EHBP1L1: variants seen among roughly 807,000 people sequenced by gnomAD.
EHBP1L1 encodes the protein EH domain binding protein 1 like 1.
A neutral mutation model predicts 151.1 loss-of-function variants in EHBP1L1; 122 were observed. The observed-to-expected ratio is 0.81, with a 90% CI of 0.70 to 0.94. The LOEUF is 0.94. EHBP1L1 is among the 40% of genes least tolerant of loss of function. The pLI, the probability that EHBP1L1 is intolerant of heterozygous loss-of-function variation, is 0.00. For missense variants in EHBP1L1, 1,941 were observed against 1,959.8 expected (o/e 0.99, Z 0.18); for synonymous variants, 878 against 810.1 (o/e 1.08, Z -1.42).
Position 65,579,452 on chromosome 11 carries a change from TC to T in EHBP1L1, c.258+18del. 6.8e-7 allele frequency: 1 copy of T among 1,466,928 alleles called. No individual in the cohort carries two copies. The highest frequency in any genetic ancestry group is 1.4e-5 in the South Asian group (1 of 70,260). 90.9% of individuals were successfully genotyped at this position (1,466,928 alleles called of 1,614,324 possible). The stretch of plus-strand genomic sequence containing the variant: ...CCTCTACAGGGTGAGTCTCTAGCCC[TC>T]CAGCATGGATGGCAATTGCAACACA... On this transcript the variant is annotated intron_variant, in intron 3 of 18. Transcript: ENST00000309295.
In EHBP1L1 at chr11:65,581,990, C is replaced by T; in HGVS notation, c.1318C>T (p.Pro440Ser). The change falls in exon 9 of 19, where the codon CCA becomes TCA. Residue 440 changes from proline to serine, a missense_variant. By Grantham distance (74) the Pro-to-Ser change is moderately conservative. Transcript: ENST00000309295. ...GGTGAGACATGTGGACACTAAGGGA[C>T]CAGAGGCGACAGGGGTGATGCCTGA... ...SKVRHVDTKGPEATGVMPEAR... is the reference protein window; with the variant it reads ...SKVRHVDTKGSEATGVMPEAR... 6.2e-7 allele frequency: 1 copy of T among 1,613,768 alleles called. No homozygotes were observed.
chr11:65,588,383 T>G (rs1403410487), intron 12 of EHBP1L1, among the ~76,000 whole-genome samples: 1 of 151,784 alleles, frequency 6.6e-6, no homozygotes. Context: ...GGCTTTGGCA[T>G]GAGGCTGGGG....
intron 9 of EHBP1L1, 134 bp downstream of exon 9, chr11:65,583,899 C>T (rs937372757): frequency 9.9e-6 from 14 of 1,418,228 alleles, no homozygotes; most frequent in Non-Finnish European, 1.3e-5. Context: ...GAAGGAGCCC[C>T]CTCATCCCCT....
In EHBP1L1 at chr11:65,592,188, A is replaced by G. The variant is rs1315573269; in HGVS notation, c.4473-15A>G. 6.3e-7 allele frequency: 1 copy of G among 1,581,654 alleles called. No individual in the cohort carries two copies. ...CCCGCCCAACGGAGCGCTGACTCGA[A>G]CCCGTTCTCCCCAGCGCCCTGGAGG... On this transcript the variant is annotated splice_polypyrimidine_tract_variant and intron_variant, in intron 18 of 18. Transcript: ENST00000309295.
chr11:65,576,087 C>A lies in EHBP1L1; in HGVS notation c.-216C>A, dbSNP rs917532369. The A allele has an allele frequency of 1.5e-5, 5 of 330,982 alleles. No homozygotes were observed. The East Asian group carries it at 2.4e-4, about 16-fold the overall frequency. The allele number at this position is 330,982 out of a possible 1,614,324, so 20.5% of individuals were successfully genotyped here. On this transcript the variant is annotated 5_prime_UTR_variant, in exon 1 of 19. Transcript: ENST00000309295. ...CGCGCTCCCAGCTCCGCGCTCGCCA[C>A]CCGACGCGCCCCAGGCGACCCCGCA... is the stretch of plus-strand genomic sequence containing the variant.
chr11:65,581,358 C>T lies in EHBP1L1; in HGVS notation c.851C>T (p.Thr284Ile), dbSNP rs765678224. ...VGPEAPRPPE[T>I]SPEMRSSRQP... ...CCTGAGGCCCCAAGGCCCCCGGAAA[C>T]CTCACCAGAGATGAGGTGAGCTTTG... Residue 284 changes from threonine (T) to isoleucine (I), a missense_variant, in exon 8 of 19, where the codon ACC becomes ATC. Physicochemically the swap from Thr to Ile is moderately conservative, Grantham distance 89. Coordinates refer to ENST00000309295, the MANE Select transcript of EHBP1L1 (RefSeq NM_001099409.3). 1.8e-5 allele frequency: 29 copies of T among 1,572,346 alleles called. No individual in the cohort carries two copies. Among genetic ancestry groups the T allele is most frequent in the Non-Finnish European group, 2.1e-5 (25 of 1,162,808 alleles).
Position 65,583,625 on chromosome 11 carries a change from G to C in EHBP1L1, c.2953G>C (p.Glu985Gln). 6.2e-7 allele frequency: 1 copy of C among 1,606,634 alleles called. No individual in the cohort carries two copies. ...QEAEAGVLGN[E>Q]KGKEAEGSLT... Reference sequence around the variant, plus strand: ...AGCGGAGGCTGGGGTCTTGGGAAATGAGAAGGGGAAAGAAGCTGAGGGAAG... The same window carrying C: ...AGCGGAGGCTGGGGTCTTGGGAAATCAGAAGGGGAAAGAAGCTGAGGGAAG... The change falls in exon 9 of 19, where the codon GAG becomes CAG. Residue 985 changes from glutamate (E) to glutamine (Q), a missense_variant. Coordinates refer to ENST00000309295, the MANE Select transcript of EHBP1L1 (RefSeq NM_001099409.3).
rs753114727 is a variant in EHBP1L1 at position 65,591,831 on chromosome 11, G to A, written c.4315G>A (p.Glu1439Lys). 1.1e-5 allele frequency: 17 copies of A among 1,545,184 alleles called. No homozygotes were observed. Among genetic ancestry groups the A allele is most frequent in the Non-Finnish European group, 1.5e-5 (17 of 1,146,830 alleles). Residue 1439 changes from glutamate to lysine, a missense_variant, in exon 17 of 19, where the codon GAG becomes AAG. Transcript: ENST00000309295. ...MEEQDLERRF[E>K]LLSRELRAML... ...GGAGCAGGACTTGGAGCGAAGGTTCGAGCTGCTGAGCCGCGAGCTGCGGGC... is the reference window on the plus strand; with the variant it reads ...GGAGCAGGACTTGGAGCGAAGGTTCAAGCTGCTGAGCCGCGAGCTGCGGGC...
intron 15 of EHBP1L1, 137 bp from the exon 16 acceptor site, chr11:65,590,356 T>C: frequency 6.7e-7 from 1 of 1,501,770 alleles, no homozygotes; most frequent in Non-Finnish European, 9.0e-7. Context: ...GCTGAGGCCC[T>C]GAAGTGGCTT....
Position 65,579,353 on chromosome 11 carries a change from C to A in EHBP1L1, c.175C>A (p.Gln59Lys). Residue 59 changes from glutamine (Q) to lysine (K), a missense_variant, in exon 3 of 19, where the codon CAG becomes AAG. Coordinates refer to ENST00000309295, the MANE Select transcript of EHBP1L1 (RefSeq NM_001099409.3). Reference protein sequence around the residue: ...RRICSKAHSWQPGIQNPYRGT... With the variant: ...RRICSKAHSWKPGIQNPYRGT... ...TTGTCCCTTGTAGGCCCACAGCTGGCAGCCGGGCATCCAGAACCCATACCG... is the reference window on the plus strand; with the variant it reads ...TTGTCCCTTGTAGGCCCACAGCTGGAAGCCGGGCATCCAGAACCCATACCG... 1.3e-6 allele frequency: 2 copies of A among 1,563,208 alleles called. No homozygotes were observed. The highest frequency in any genetic ancestry group is 8.7e-7 in the Non-Finnish European group (1 of 1,153,320).
rs1332165025 is a variant in EHBP1L1, at chr11:65,589,843, A to C, written c.4003+23A>C. 3 of 1,556,724 alleles carry C rather than the reference A, an allele frequency of 1.9e-6. No individual in the cohort carries two copies. In the South Asian group the frequency reaches 3.6e-5, roughly 19 times the overall value. On this transcript the variant is annotated intron_variant, in intron 13 of 18. Transcript: ENST00000309295. ...CTGGTGAGTAGCAGGAGTGGTGACC[A>C]TCTCAGTTCAGGCTGCTCACAAAGC...
chr11:65,591,494 T>C (rs1443899458), intron 16 of EHBP1L1: 3 of 502,866 alleles, frequency 6.0e-6, no homozygotes, highest in East Asian at 7.3e-5. Context: ...GCGTTTGGGA[T>C]TTTTCAGAAT....
In EHBP1L1 at chr11:65,580,206, G is replaced by A. The variant is rs1395640814; in HGVS notation, c.438G>A (p.Gln146=). The A allele has an allele frequency of 6.2e-7, 1 of 1,613,656 alleles. No homozygotes were observed. Among genetic ancestry groups the A allele is most frequent in the African/African-American group, 1.3e-5 (1 of 75,064 alleles). The change falls in exon 5 of 19, where the codon CAG becomes CAA. Residue 146 remains glutamine, a synonymous_variant. Coordinates refer to ENST00000309295, the MANE Select transcript of EHBP1L1 (RefSeq NM_001099409.3). ...RLKPKSVKVV[Q]AELSLTLSGV... is the part of the protein sequence containing the mutation. The stretch of plus-strand genomic sequence containing the variant: ...AGCCAAAGTCAGTGAAGGTGGTGCA[G>A]GCTGAGCTGAGCCTCACTCTTTCCG...
Position 65,583,558 on chromosome 11 carries a change from A to C in EHBP1L1, c.2886A>C (p.Leu962Phe). The C allele has an allele frequency of 1.2e-6, 2 of 1,612,582 alleles. No individual in the cohort carries two copies. The highest frequency in any genetic ancestry group is 1.7e-6 in the Non-Finnish European group (2 of 1,179,402). Reference protein sequence around the residue: ...WGAQEAEMKVLESPENKSGTF... With the variant: ...WGAQEAEMKVFESPENKSGTF... ...CCCAGGAAGCAGAGATGAAGGTTTTAGAGTCTCCAGAGAACAAATCTGGTA... is the reference window on the plus strand; with the variant it reads ...CCCAGGAAGCAGAGATGAAGGTTTTCGAGTCTCCAGAGAACAAATCTGGTA... The change falls in exon 9 of 19, where the codon TTA becomes TTC. Residue 962 changes from leucine to phenylalanine, a missense_variant. By Grantham distance (22) the Leu-to-Phe change is conservative. Coordinates refer to ENST00000309295, the MANE Select transcript of EHBP1L1 (RefSeq NM_001099409.3).
rs1268141407 is a variant in EHBP1L1 at position 65,589,763 on chromosome 11, C to T, written c.3946C>T (p.Pro1316Ser). The T allele has an allele frequency of 1.3e-6, 2 of 1,549,770 alleles. No individual in the cohort carries two copies. Among genetic ancestry groups the T allele is most frequent in the South Asian group, 2.4e-5 (2 of 83,610 alleles). Reference sequence around the variant, plus strand: ...CCTTCTTCCACAGGAAGGCCAGGCCCCTGACCCCAGCCCTGCCCCAGGCCC... The same window carrying T: ...CCTTCTTCCACAGGAAGGCCAGGCCTCTGACCCCAGCCCTGCCCCAGGCCC... ...MGAAAAEGQA[P>S]DPSPAPGPPT... The change falls in exon 13 of 19, where the codon CCT becomes TCT. Residue 1316 changes from proline to serine, a missense_variant. By Grantham distance (74) the Pro-to-Ser change is moderately conservative. Coordinates refer to ENST00000309295, the MANE Select transcript of EHBP1L1 (RefSeq NM_001099409.3).
intron 1 of EHBP1L1, 32 bp from the exon 2 acceptor site, chr11:65,579,046 T>TC (rs763454872): frequency 3.2e-6 from 5 of 1,558,686 alleles, no homozygotes; most frequent in Non-Finnish European, 3.5e-6. Context: ...AGCAGCCTGC[T>TC]CCCTTTCTCC....
intron 3 of EHBP1L1, among the ~76,000 whole-genome samples, 192 bp downstream of exon 3, chr11:65,579,628 C>A (rs1047379666): frequency 2.0e-5 from 3 of 152,046 alleles, no homozygotes; most frequent in Non-Finnish European, 4.4e-5. Flanking sequence ...TTACCCAACA[C>A]ATGCAGCATG....
rs1442791291 is a variant in EHBP1L1, at chr11:65,582,646, TG to T, written c.1979del (p.Gly660ValfsTer11). 1 of 1,613,464 alleles carries T rather than the reference TG, an allele frequency of 6.2e-7. No homozygotes were observed. The highest frequency in any genetic ancestry group is 8.5e-7 in the Non-Finnish European group (1 of 1,179,816). On this transcript the variant is annotated frameshift_variant, in exon 9 of 19. Transcript: ENST00000309295. LOFTEE classifies it high-confidence loss of function. ...EVLGTQKTEAGGSGVLQTRTT... is the reference protein window; with the variant it reads ...EVLGTQKTEAXGSGVLQTRTT... ...TATTGGGGACCCAGAAAACAGAAGC[TG>T]GGGGTTCAGGAGTTTTGCAGACAAG...
chr11:65,590,129 C>T lies in EHBP1L1; in HGVS notation c.4102C>T (p.Gln1368Ter). The T allele has an allele frequency of 6.2e-7, 1 of 1,613,848 alleles. No homozygotes were observed. Among genetic ancestry groups the T allele is most frequent in the Non-Finnish European group, 8.5e-7 (1 of 1,179,820 alleles). Residue 1368 changes from glutamine (Q) to a stop codon, truncating the protein, a stop_gained, in exon 15 of 19, where the codon CAG (glutamine) becomes TAG (stop). Coordinates refer to ENST00000309295, the MANE Select transcript of EHBP1L1 (RefSeq NM_001099409.3). LOFTEE classifies it high-confidence loss of function. ...AAGTCAGTACGTGTGTGCAGAGCTG[C>T]AGGCCCTGGAACAGGAGCAGAGGCA... is the stretch of plus-strand genomic sequence containing the variant. Reference protein sequence around the residue: ...DTSQYVCAELQALEQEQRQID... With the variant: ...DTSQYVCAEL
Sources: allele counts gnomAD v4.1 joint callset (sites outside exome capture counted in the v4.1 genomes callset), GRCh38; gene constraint gnomAD v4.1.1; transcripts MANE v1.5; gene names NCBI Gene and HGNC (gene_info 2026-07-23, HGNC 2026-07-21).